VPS11: variants seen among roughly 807,000 people sequenced by gnomAD.
VPS11 encodes the protein VPS11 core subunit of CORVET and HOPS complexes.
A neutral mutation model predicts 106.8 loss-of-function variants in VPS11; 51 were observed. The ratio of observed to expected loss-of-function variants is 0.48; its 90% CI spans 0.38 to 0.60. The LOEUF (loss-of-function observed/expected upper bound fraction) is 0.60. Among genes scored for constraint, VPS11 ranks in the 20% least tolerant of loss-of-function variants. VPS11 has a pLI of 0.00. For synonymous variants in VPS11, 453 were observed against 458.7 expected (o/e 0.99, Z 0.16); for missense variants, 950 against 1,190.0 (o/e 0.80, Z 2.97).
chr11:119,071,562 A>G, intron 4 of VPS11, 34 bp from the exon 5 acceptor site: 1 of 1,609,510 alleles, frequency 6.2e-7, no homozygotes, highest in Non-Finnish European at 8.5e-7. Context: ...ACCTCCTCAA[A>G]GGAGCCTGTT....
intron 14 of VPS11, 106 bp downstream of exon 14, chr11:119,079,406 G>C: frequency 7.5e-7 from 1 of 1,338,986 alleles, no homozygotes. Flanking sequence ...GTGCTTTTGA[G>C]CATTTTGATT....
Position 119,069,185 on chromosome 11 carries a change from C to G in VPS11, c.188-11C>G. 6.2e-7 allele frequency: 1 copy of G among 1,613,588 alleles called. No individual in the cohort carries two copies. The highest frequency in any genetic ancestry group is 8.5e-7 in the Non-Finnish European group (1 of 1,179,774). On this transcript the variant is annotated splice_polypyrimidine_tract_variant and intron_variant, in intron 1 of 15. Coordinates refer to ENST00000621676, the MANE Select transcript of VPS11 (RefSeq NM_021729.6). Reference sequence around the variant, plus strand: ...TCTCCTTGGAAAGGAGGCTCCTTGACTACCCTGCACATATGGAAGGCCAGA... The same window carrying G: ...TCTCCTTGGAAAGGAGGCTCCTTGAGTACCCTGCACATATGGAAGGCCAGA...
Position 119,077,015 on chromosome 11 carries a change from C to G in VPS11, c.1357C>G (p.His453Asp). 6.2e-7 allele frequency: 1 copy of G among 1,613,918 alleles called. No individual in the cohort carries two copies. The highest frequency in any genetic ancestry group is 8.5e-7 in the Non-Finnish European group (1 of 1,179,842). Residue 453 changes from histidine to aspartate, a missense_variant, in exon 8 of 16, where the codon CAT becomes GAT. His to Asp is a moderately conservative substitution (Grantham distance 81). Transcript: ENST00000621676. ...LHRQSLANAD[H>D]TTLLLNCYTK... is the part of the protein sequence containing the mutation. ...CCGACAATCCCTGGCCAATGCCGACCATACCACCCTGCTCCTCAACTGCTA... is the reference window on the plus strand; with the variant it reads ...CCGACAATCCCTGGCCAATGCCGACGATACCACCCTGCTCCTCAACTGCTA...
chr11:119,074,048 T>C, intron 7 of VPS11, 97 bp downstream of exon 7: 1 of 1,373,128 alleles, frequency 7.3e-7, no homozygotes, highest in Non-Finnish European at 9.7e-7. Context: ...GCTAGAATTC[T>C]ACCAGGAACT....
chr11:119,074,007 T>C, intron 7 of VPS11, 56 bp downstream of exon 7: 2 of 1,563,822 alleles, frequency 1.3e-6, no homozygotes, highest in Non-Finnish European at 8.7e-7. Flanking sequence ...GGCAGCTAGA[T>C]AGCTAAAGCC....
chr11:119,078,130 C>T (rs375775913), intron 10 of VPS11, 43 bp from the exon 11 acceptor site: 26 of 1,609,924 alleles, frequency 1.6e-5, no homozygotes, highest in African/African-American at 8.0e-5. Flanking sequence ...CTGTATATCA[C>T]GCCCACTCAT....
chr11:119,077,747 T>A, intron 9 of VPS11, 100 bp downstream of exon 9: 1 of 1,541,154 alleles, frequency 6.5e-7, no homozygotes. Flanking sequence ...CACCCCATCC[T>A]CCTGAGTGGA....
chr11:119,079,076 G>C (rs939788428), intron 13 of VPS11, 53 bp from the exon 14 acceptor site: 6 of 1,611,940 alleles, frequency 3.7e-6, no homozygotes, highest in Non-Finnish European at 8.5e-7. Flanking sequence ...CCTTTATCCA[G>C]AGAGTGCCAC....
intron 6 of VPS11, 142 bp downstream of exon 6, chr11:119,073,541 G>A (rs1945482038): frequency 8.9e-7 from 1 of 1,124,888 alleles, no homozygotes; most frequent in South Asian, 1.6e-5. Context: ...GGATTATAAG[G>A]TAAATGGCCT....
In VPS11 at chr11:119,078,794, G is replaced by T; in HGVS notation, c.2064-1G>T. On this transcript the variant is annotated splice_acceptor_variant, in intron 12 of 15. Transcript: ENST00000621676. LOFTEE classifies it high-confidence loss of function. ...GAGGTGTGCCCTTGCCCCGGCCGCAGGTTCCAGCAGATCATGCACTACCAC... is the reference window on the plus strand; with the variant it reads ...GAGGTGTGCCCTTGCCCCGGCCGCATGTTCCAGCAGATCATGCACTACCAC... 1 of 1,613,076 alleles carries T rather than the reference G, an allele frequency of 6.2e-7. No individual in the cohort carries two copies. The highest frequency in any genetic ancestry group is 1.1e-5 in the South Asian group (1 of 90,986).
In VPS11 at chr11:119,077,007, A is replaced by G. The variant is rs367865762; in HGVS notation, c.1349A>G (p.Asn450Ser). The change falls in exon 8 of 16, where the codon AAT becomes AGT. Residue 450 changes from asparagine to serine, a missense_variant. Transcript: ENST00000621676. ...LQTLHRQSLA[N>S]ADHTTLLLNC... ...ACCCTGCACCGACAATCCCTGGCCA[A>G]TGCCGACCATACCACCCTGCTCCTC... 1.1e-4 allele frequency: 170 copies of G among 1,613,904 alleles called. No homozygotes were observed. The highest frequency in any genetic ancestry group is 1.4e-4 in the Non-Finnish European group (162 of 1,179,850).
At chr11:119,081,337 G>A (rs1282311968) in intron 15 of VPS11, 23 bp downstream of exon 15, 1 of 1,613,464 alleles carries the variant, frequency 6.2e-7, no homozygotes, top group East Asian at 2.2e-5. Context: ...GGGCTAGATG[G>A]GCCAGGGGAT....
At chr11:119,068,216 C>T (rs2133641301) in intron 1 of VPS11, 32 of 496,800 alleles carry the variant, frequency 6.4e-5, no homozygotes, top group Non-Finnish European at 8.8e-5. Context: ...AGTCATTTAA[C>T]CTCTCTGGGT....
intron 14 of VPS11, among the ~76,000 whole-genome samples, chr11:119,079,530 G>A (rs945716741): frequency 6.6e-6 from 1 of 152,168 alleles, no homozygotes; most frequent in South Asian, 2.1e-4. Context: ...TTCTTTATAT[G>A]CCTGTATTCT....
At position 119,071,726 on chromosome 11, in the gene VPS11, A is replaced by G; in HGVS notation, c.767A>G (p.Tyr256Cys). 1.9e-6 allele frequency: 3 copies of G among 1,613,954 alleles called. No individual in the cohort carries two copies. The highest frequency in any genetic ancestry group is 2.5e-6 in the Non-Finnish European group (3 of 1,179,888). ...ATTGTGGCCGGGGATGAGTGTGTCT[A>G]CTTGTACCAGCCTGATGAACGTGGG... ...QFIVAGDECV[Y>C]LYQPDERGPC... is the part of the protein sequence containing the mutation. Residue 256 changes from tyrosine (Y) to cysteine (C), a missense_variant, in exon 5 of 16, where the codon TAC becomes TGC. Physicochemically the swap from Tyr to Cys is radical, Grantham distance 194. This residue lies in a region of VPS11 where 435 missense variants were observed against 630.2 expected (regional missense o/e 0.69). Transcript: ENST00000621676.
At position 119,071,577 on chromosome 11, in the gene VPS11, C is replaced by T; in HGVS notation, c.637-19C>T. The T allele has an allele frequency of 6.2e-7, 1 of 1,613,174 alleles. No individual in the cohort carries two copies. The highest frequency in any genetic ancestry group is 1.3e-5 in the African/African-American group (1 of 75,026). ...ACCTCCTCAAAGGAGCCTGTTAACC[C>T]CTTTGTTGCTTCTGGCAGTCCTATA... On this transcript the variant is annotated intron_variant, in intron 4 of 15. Coordinates refer to ENST00000621676, the MANE Select transcript of VPS11 (RefSeq NM_021729.6).
At chr11:119,077,232 C>T in intron 8 of VPS11, 149 bp downstream of exon 8, 1 of 1,108,716 alleles carries the variant, frequency 9.0e-7, no homozygotes, top group Non-Finnish European at 1.3e-6. Context: ...TCGGTGCCAT[C>T]TCCCCTCTTG....
intron 7 of VPS11, among the ~76,000 whole-genome samples, chr11:119,074,825 T>C (rs1279258834): frequency 1.3e-5 from 2 of 152,198 alleles, no homozygotes; most frequent in African/African-American, 2.4e-5. Flanking sequence ...GATGATTACC[T>C]CTCATTTTAA....
rs782039718 is a variant in VPS11, at chr11:119,078,027, C to T, written c.1722C>T (p.Ser574=). 6.2e-7 allele frequency: 1 copy of T among 1,612,588 alleles called. No homozygotes were observed. Among genetic ancestry groups the T allele is most frequent in the African/African-American group, 1.3e-5 (1 of 74,922 alleles). Residue 574 remains serine, a synonymous_variant, in exon 10 of 16, where the codon AGC becomes AGT. Transcript: ENST00000621676. ...LKGLCTDYRP[S]LEGRSDREAP... Reference sequence around the variant, plus strand: ...GACTTTGTACTGATTATCGGCCCAGCCTCGAAGGCCGCAGCGATAGGGAGG... The same window carrying T: ...GACTTTGTACTGATTATCGGCCCAGTCTCGAAGGCCGCAGCGATAGGGAGG...
Sources: gnomAD v4.1 joint callset for allele counts (sites outside exome capture counted in the v4.1 genomes callset) on GRCh38, gnomAD v4.1.1 for gene constraint, gnomAD v4.1.1 regional missense constraint, MANE v1.5 for transcripts, NCBI Gene and HGNC (gene_info 2026-07-23, HGNC 2026-07-21) for gene names.